Variants in ADAMTS6 observed in about 807,000 individuals in gnomAD.
ADAMTS6 encodes the protein A disintegrin and metalloproteinase with thrombospondin motifs 6.
Under a neutral mutation model 144.3 loss-of-function variants are expected in ADAMTS6, and 23 were observed. That is an observed-to-expected ratio of 0.16 (90% CI 0.11 to 0.23). ADAMTS6 has a LOEUF of 0.23. ADAMTS6 is among the 10% of genes least tolerant of loss of function. ADAMTS6 has a pLI of 1.00. For missense variants in ADAMTS6, 999 were observed against 1,379.6 expected (o/e 0.72, Z 4.37); for synonymous variants, 444 against 457.5 (o/e 0.97, Z 0.38).
chr5:65,450,782 C>T (rs941378218), intron 7 of ADAMTS6, among the ~76,000 whole-genome samples: 4 of 152,086 alleles, frequency 2.6e-5, no homozygotes, highest in Admixed American at 1.3e-4. Context: ...TATCAGTTCC[C>T]TCATTCCTAA....
At chr5:65,419,511 C>CA (rs1331189389) in intron 7 of ADAMTS6, among the ~76,000 whole-genome samples, 1 of 152,128 alleles carries the variant, frequency 6.6e-6, no homozygotes, top group Non-Finnish European at 1.5e-5. Flanking sequence ...ACAATATACT[C>CA]AGGCAACAAA....
intron 7 of ADAMTS6, among the ~76,000 whole-genome samples, chr5:65,431,679 A>AT (rs1235066843): frequency 4.6e-5 from 7 of 152,184 alleles, no homozygotes; most frequent in Admixed American, 2.6e-4. Flanking sequence ...CCACTTTTGC[A>AT]TTTTTTGTAA....
chr5:65,277,825 A>C (rs1762669573), intron 11 of ADAMTS6, among the ~76,000 whole-genome samples: 1 of 152,150 alleles, frequency 6.6e-6, no homozygotes, highest in Non-Finnish European at 1.5e-5. Flanking sequence ...CCGCTGCCCA[A>C]GACTTTTTTT....
intron 18 of ADAMTS6, among the ~76,000 whole-genome samples, chr5:65,223,269 A>G (rs1757462514): frequency 6.6e-6 from 1 of 152,242 alleles, no homozygotes; most frequent in African/African-American, 2.4e-5. Context: ...ATACATAAAC[A>G]TTGTGAAATG....
chr5:65,407,151 C>T (rs1250552546), intron 7 of ADAMTS6, among the ~76,000 whole-genome samples: 1 of 152,032 alleles, frequency 6.6e-6, no homozygotes, highest in East Asian at 1.9e-4. Context: ...AAAGATACTC[C>T]TTAAGAAGAG....
At chr5:65,251,173 G>C (rs2112541852) in intron 14 of ADAMTS6, 1 of 152,392 alleles carries the variant, frequency 6.6e-6, no homozygotes, top group East Asian at 1.9e-4. Context: ...TTTTTCAGAA[G>C]ATTGAGCACA....
chr5:65,314,380 T>A (rs1482430098), intron 9 of ADAMTS6, among the ~76,000 whole-genome samples: 1 of 151,704 alleles, frequency 6.6e-6, no homozygotes, highest in Non-Finnish European at 1.5e-5. Flanking sequence ...GAATACACCA[T>A]CCAGGAATTT....
chr5:65,203,414 T>C (rs1755873284), intron 20 of ADAMTS6, among the ~76,000 whole-genome samples: 1 of 152,152 alleles, frequency 6.6e-6, no homozygotes, highest in Admixed American at 6.5e-5. Context: ...TTAGTTATAT[T>C]ATACTAGAAA....
chr5:65,441,322 A>C (rs1757841089), intron 7 of ADAMTS6, among the ~76,000 whole-genome samples: 1 of 152,200 alleles, frequency 6.6e-6, no homozygotes, highest in South Asian at 2.1e-4. Context: ...AATCATAAGC[A>C]GACCATACGT....
At chr5:65,369,097 G>A (rs1750585102) in intron 7 of ADAMTS6, among the ~76,000 whole-genome samples, 1 of 152,044 alleles carries the variant, frequency 6.6e-6, no homozygotes, top group African/African-American at 2.4e-5. Context: ...ATGCATGTCT[G>A]TAGTCCCAGC....
chr5:65,388,673 G>A (rs1007552197), intron 7 of ADAMTS6, among the ~76,000 whole-genome samples: 1 of 152,060 alleles, frequency 6.6e-6, no homozygotes, highest in African/African-American at 2.4e-5. Context: ...AAATCTTGAT[G>A]ACGATCTTTT....
intron 7 of ADAMTS6, among the ~76,000 whole-genome samples, chr5:65,438,483 C>G (rs999938372): frequency 1.3e-5 from 2 of 152,118 alleles, no homozygotes; most frequent in African/African-American, 4.8e-5. Context: ...GCCAAGATCA[C>G]GCCACTGCAC....
intron 22 of ADAMTS6, among the ~76,000 whole-genome samples, chr5:65,174,766 A>AGT (rs965672887): frequency 6.6e-6 from 1 of 151,924 alleles, no homozygotes; most frequent in African/African-American, 2.4e-5. Flanking sequence ...AAACTGTAAA[A>AGT]GTGTGTGTGT....
At chr5:65,198,945 C>G (rs1033061237) in intron 20 of ADAMTS6, among the ~76,000 whole-genome samples, 3 of 152,120 alleles carry the variant, frequency 2.0e-5, no homozygotes, top group African/African-American at 7.2e-5. Context: ...GATATCTCCC[C>G]ATTGTGTCAT....
At chr5:65,164,053 C>CCGG (rs1752970263) in intron 24 of ADAMTS6, among the ~76,000 whole-genome samples, 1 of 152,126 alleles carries the variant, frequency 6.6e-6, no homozygotes, top group African/African-American at 2.4e-5. Context: ...AGGAACAGCT[C>CCGG]TGGTCAACAG....
chr5:65,452,847 T>C lies in ADAMTS6; in HGVS notation c.703A>G (p.Asn235Asp). 6.2e-7 allele frequency: 1 copy of C among 1,614,118 alleles called. No individual in the cohort carries two copies. The highest frequency in any genetic ancestry group is 8.5e-7 in the Non-Finnish European group (1 of 1,179,962). Residue 235 changes from asparagine (N) to aspartate (D), a missense_variant, in exon 5 of 25, where the codon AAC (asparagine) becomes GAC (aspartate). Around this residue, in one of 3 missense-constraint regions of ADAMTS6, gnomAD observed 252 missense variants for 293.7 expected, o/e 0.86. Transcript: ENST00000381055. ...STVSYSLPIN[N>D]THIHHRQKRS... ...TTCTGTCTGTGGTGGATATGTGTGT[T>C]GTTAATTGGTAGTGAATAAGAAACA... is the stretch of plus-strand genomic sequence containing the variant.
intron 9 of ADAMTS6, among the ~76,000 whole-genome samples, chr5:65,314,767 T>C (rs908550704): frequency 2.0e-5 from 3 of 152,102 alleles, no homozygotes; most frequent in African/African-American, 7.2e-5. Context: ...TAAAGAGAAA[T>C]AGAGTTTCTA....
chr5:65,472,025 A>G (rs1166739379), intron 2 of ADAMTS6, among the ~76,000 whole-genome samples: 1 of 152,222 alleles, frequency 6.6e-6, no homozygotes, highest in Non-Finnish European at 1.5e-5. Flanking sequence ...TGAATAGACA[A>G]ACAAAATGTA....
chr5:65,443,541 G>C (rs1039132398), intron 7 of ADAMTS6, among the ~76,000 whole-genome samples: 4 of 147,916 alleles, frequency 2.7e-5, no homozygotes. Flanking sequence ...AGGACTGCTT[G>C]AGCCTGGGAG....
Sources: allele counts gnomAD v4.1 joint callset (sites outside exome capture counted in the v4.1 genomes callset), GRCh38; gene constraint gnomAD v4.1.1; regional missense constraint gnomAD v4.1.1; transcripts MANE v1.5; gene names NCBI Gene and HGNC (gene_info 2026-07-23, HGNC 2026-07-21).